PRTG: variants seen among roughly 807,000 people sequenced by gnomAD.
The protein encoded by PRTG is immunoglobulin superfamily, DCC subclass, member 5.
PRTG carries 67 observed loss-of-function variants against 122.5 expected under a neutral mutation model. The observed-to-expected ratio is 0.55, with a 90% confidence interval of 0.45 to 0.67. The LOEUF (loss-of-function observed/expected upper bound fraction) is 0.67, where lower values mean the gene tolerates loss of function less well. PRTG is among the 30% of genes least tolerant of loss of function. The pLI is 0.00. For missense variants in PRTG, 1,435 were observed against 1,415.4 expected, an observed-to-expected ratio of 1.01 and a Z score of -0.22; for synonymous variants, 554 against 501.1, an observed-to-expected ratio of 1.11 and a Z score of -1.41.
intron 2 of PRTG, among the ~76,000 whole-genome samples, chr15:55,709,399 A>C (rs985110205): frequency 2.0e-5 from 3 of 148,150 alleles, no homozygotes; most frequent in Non-Finnish European, 3.0e-5. Flanking sequence ...AGAGAGAGAG[A>C]GCGCGTGAGA....
intron 1 of PRTG, among the ~76,000 whole-genome samples, chr15:55,741,087 C>A (rs1402639575): frequency 6.6e-6 from 1 of 152,220 alleles, no homozygotes; most frequent in Non-Finnish European, 1.5e-5. Context: ...AAAACTCCAA[C>A]TCTGTGAACA....
intron 18 of PRTG, among the ~76,000 whole-genome samples, chr15:55,622,216 G>GTTTTTTTT (rs35973280): frequency 5.3e-5 from 6 of 113,412 alleles, no homozygotes; most frequent in Non-Finnish European, 6.9e-5. Context: ...ATTAGTACTT[G>GTTTTTTTT]TTTTTTTTTT....
Position 55,680,180 on chromosome 15 carries a change from C to T in PRTG, c.847G>A (p.Val283Ile). 1 of 1,611,184 alleles carries T rather than the reference C, an allele frequency of 6.2e-7. No homozygotes were observed. The highest frequency in any genetic ancestry group is 8.5e-7 in the Non-Finnish European group (1 of 1,177,496). Residue 283 changes from valine (V) to isoleucine (I), a missense_variant, in exon 6 of 20, where the codon GTA (valine) becomes ATA (isoleucine). Transcript: ENST00000389286. ...ATCATGAGATTACCATTTCCAAGTA[C>T]CCGAGTATTAAAGACATCAATGGAT... ...HKSIDVFNTR[V>I]LGNGNLMISD...
In PRTG at chr15:55,673,505, G is replaced by T; in HGVS notation, c.1718C>A (p.Thr573Lys). The part of the protein sequence containing the change: ...SIQVLELPGT[T>K]HEYLLEGLKP... ...CAGGCCTTCCAAAAGGTACTCATGC[G>T]TGGTCCCCGGGAGCTCCAGAACTTG... is the stretch of plus-strand genomic sequence containing the variant. Residue 573 changes from threonine (T) to lysine (K), a missense_variant, in exon 10 of 20, where the codon ACG becomes AAG. Physicochemically the swap from Thr to Lys is moderately conservative, Grantham distance 78 (BLOSUM62 -1). Coordinates refer to ENST00000389286, the MANE Select transcript of PRTG (RefSeq NM_173814.6). The T allele has an allele frequency of 6.2e-7, 1 of 1,614,118 alleles. No homozygotes were observed. The highest frequency in any genetic ancestry group is 8.5e-7 in the Non-Finnish European group (1 of 1,180,028).
intron 2 of PRTG, among the ~76,000 whole-genome samples, chr15:55,734,066 G>C (rs563494586): frequency 1.5e-4 from 23 of 152,324 alleles, no homozygotes; most frequent in African/African-American, 5.5e-4. Flanking sequence ...AACTGGAAGA[G>C]AGTCTATCGG....
At chr15:55,641,342 G>A (rs768432023) in intron 11 of PRTG, 134 bp from the exon 12 acceptor site, 16 of 611,260 alleles carry the variant, frequency 2.6e-5, no homozygotes, top group Non-Finnish European at 4.3e-5. Flanking sequence ...TAAAATTACT[G>A]CTCATTGACT....
rs1366435162 is a variant in PRTG, at chr15:55,617,579, A to T, written c.*2433T>A. 1 of 152,146 alleles carries T rather than the reference A, an allele frequency of 6.6e-6. No homozygotes were observed. The highest frequency in any genetic ancestry group is 2.4e-5 in the African/African-American group (1 of 41,446). 9.4% of individuals were successfully genotyped at this position (152,146 alleles called of 1,614,324 possible). ...TTTGGTAACAGAATTATTATGAAAA[A>T]GTCCGTATAAGAACAAAATGAAAAG... On this transcript the variant is annotated 3_prime_UTR_variant, in exon 20 of 20. Coordinates refer to ENST00000389286, the MANE Select transcript of PRTG (RefSeq NM_173814.6).
At chr15:55,688,117 G>A (rs1011450253) in intron 2 of PRTG, among the ~76,000 whole-genome samples, 4 of 152,190 alleles carry the variant, frequency 2.6e-5, no homozygotes, top group African/African-American at 9.7e-5. Context: ...GATCCGTCTA[G>A]CAGCTATCTG....
At chr15:55,622,335 A>G (rs1407544791) in intron 18 of PRTG, among the ~76,000 whole-genome samples, 1 of 147,444 alleles carries the variant, frequency 6.8e-6, no homozygotes, top group East Asian at 2.0e-4. Flanking sequence ...CTCCTGCCTC[A>G]GCCTCCCGAG....
At chr15:55,656,046 T>C (rs1435345305) in intron 11 of PRTG, 1 of 177,528 alleles carries the variant, frequency 5.6e-6, no homozygotes, top group Admixed American at 6.3e-5. Flanking sequence ...CTAAATACTG[T>C]GACATTTTCC....
chr15:55,629,858 G>A lies in PRTG; in HGVS notation c.2624-854C>T, dbSNP rs537746516. Among the ~76,000 whole-genome samples the A allele has an allele frequency of 3.5e-4, 51 of 145,190 alleles. 1 individual carries two copies. In the East Asian group the frequency reaches 9.0e-3, roughly 26 times the overall value. ...TTTTGAGATGGAGTCTTGCTCTGTC[G>A]CCAGGCTGGAGTGCAGTGGCATGAT... On this transcript the variant is annotated intron_variant, in intron 15 of 19. Coordinates refer to ENST00000389286, the MANE Select transcript of PRTG (RefSeq NM_173814.6).
chr15:55,671,721 G>C (rs2059472898), intron 11 of PRTG, among the ~76,000 whole-genome samples: 1 of 152,040 alleles, frequency 6.6e-6, no homozygotes, highest in African/African-American at 2.4e-5. Context: ...GGCTGGTCTT[G>C]AACTCCCGAC....
At chr15:55,640,769 G>C (rs2059285160) in intron 12 of PRTG, among the ~76,000 whole-genome samples, 1 of 151,902 alleles carries the variant, frequency 6.6e-6, no homozygotes, top group Non-Finnish European at 1.5e-5. Context: ...CAGCACTTTG[G>C]GAGGCCAAGG....
At chr15:55,711,081 AT>A (rs1168529643) in intron 2 of PRTG, among the ~76,000 whole-genome samples, 16,599 of 115,400 alleles carry the variant, frequency 0.14, 1,248 homozygotes, top group East Asian at 0.38. Context: ...TAATTTTTGT[AT>A]TTTTTTTTTT....
chr15:55,680,407 TATAAA>T (rs1268500986), intron 5 of PRTG, 79 bp downstream of exon 5: 16 of 1,394,502 alleles, frequency 1.1e-5, no homozygotes, highest in Non-Finnish European at 1.5e-5. Context: ...TGTTTTTGTA[TATAAA>T]ATAAACATTT....
At position 55,740,253 on chromosome 15, in the gene PRTG, G is replaced by C. The variant is rs1019646620; in HGVS notation, c.397+129C>G. 16 of 796,920 alleles carry C rather than the reference G, an allele frequency of 2.0e-5. No individual in the cohort carries two copies. The African/African-American group carries it at 2.6e-4, about 13-fold the overall frequency. The allele number at this position is 796,920 out of a possible 1,614,324, so 49.4% of individuals were successfully genotyped here. ...CAGATTTCTCTATATGCCTCAGTTA[G>C]CATCAACTATTATCTCCAGTAAAAT... On this transcript the variant is annotated intron_variant, in intron 2 of 19. Transcript: ENST00000389286.
At chr15:55,697,816 G>C (rs1256622511) in intron 2 of PRTG, among the ~76,000 whole-genome samples, 1 of 152,152 alleles carries the variant, frequency 6.6e-6, no homozygotes, top group South Asian at 2.1e-4. Flanking sequence ...TCCTGAACAT[G>C]TTTTGTTCTG....
intron 2 of PRTG, among the ~76,000 whole-genome samples, chr15:55,717,000 C>T (rs1443594184): frequency 6.6e-6 from 1 of 152,156 alleles, no homozygotes; most frequent in Non-Finnish European, 1.5e-5. Context: ...ATGGTAGAAG[C>T]AGTGGCTTTA....
chr15:55,666,549 C>G (rs1048412362), intron 11 of PRTG, among the ~76,000 whole-genome samples: 1 of 152,196 alleles, frequency 6.6e-6, no homozygotes, highest in Admixed American at 6.5e-5. Flanking sequence ...CCCACCCAAA[C>G]CTACTGAATA....
Sources: allele counts gnomAD v4.1 joint callset (sites outside exome capture counted in the v4.1 genomes callset), GRCh38; gene constraint gnomAD v4.1.1; transcripts MANE v1.5; gene names NCBI Gene and HGNC (gene_info 2026-07-23, HGNC 2026-07-21).